The following AHNAK variants were observed in gnomAD, a reference collection of about 807,000 sequenced individuals.
The protein encoded by AHNAK is AHNAK nucleoprotein.
In AHNAK, 23 loss-of-function variants were observed where a neutral mutation model predicts 37.8. The ratio of observed to expected loss-of-function variants is 0.61; its 90% CI spans 0.44 to 0.86. The LOEUF (loss-of-function observed/expected upper bound fraction) is 0.86. Among genes scored for constraint, AHNAK ranks in the 40% least tolerant of loss-of-function variants. AHNAK has a pLI of 0.00. For synonymous variants in AHNAK, 2,481 were observed against 2,636.3 expected (o/e 0.94, Z 1.80); for missense variants, 7,411 against 7,319.4 (o/e 1.01, Z -0.46).
At position 62,519,823 on chromosome 11, in the gene AHNAK, C is replaced by T; in HGVS notation, c.14594G>A (p.Gly4865Glu). The change falls in exon 5 of 5, where the codon GGA (glycine) becomes GAA (glutamate). Residue 4865 changes from glycine (G) to glutamate (E), a missense_variant. By Grantham distance (98) the Gly-to-Glu change is moderately conservative (BLOSUM62 -2). Transcript: ENST00000378024. ...CTTAGGGACAGACACATCAAAATCTCCTTTTACTTTGGGTCCTTTCAAATC... is the reference window on the plus strand; with the variant it reads ...CTTAGGGACAGACACATCAAAATCTTCTTTTACTTTGGGTCCTTTCAAATC... Reference protein sequence around the residue: ...DLDLKGPKVKGDFDVSVPKVE... With the variant: ...DLDLKGPKVKEDFDVSVPKVE... 6.2e-7 allele frequency: 1 copy of T among 1,614,130 alleles called. No homozygotes were observed. The highest frequency in any genetic ancestry group is 1.1e-5 in the South Asian group (1 of 91,084).
chr11:62,479,045 T>C (rs1338882554), intron 5 of AHNAK, among the ~76,000 whole-genome samples: 1 of 152,126 alleles, frequency 6.6e-6, no homozygotes, highest in Non-Finnish European at 1.5e-5. Context: ...TCGGCTAATT[T>C]CTTTTCATTA....
rs1940331648 is a variant in AHNAK, at chr11:62,523,148, G to A, written c.11269C>T (p.Pro3757Ser). The A allele has an allele frequency of 1.2e-6, 2 of 1,613,958 alleles. No homozygotes were observed. The highest frequency in any genetic ancestry group is 1.1e-5 in the South Asian group (1 of 91,070). ...ACATCCACATCGCCCTTGACTTTGG[G>A]GCCCTTCAGGTTTAAATCAATGTCA... Reference protein sequence around the residue: ...MPDIDLNLKGPKVKGDVDVSL... With the variant: ...MPDIDLNLKGSKVKGDVDVSL... The change falls in exon 5 of 5, where the codon CCC (proline) becomes TCC (serine). Residue 3757 changes from proline (P) to serine (S), a missense_variant. Physicochemically the swap from Pro to Ser is moderately conservative, Grantham distance 74. Transcript: ENST00000378024.
intron 5 of AHNAK, among the ~76,000 whole-genome samples, chr11:62,435,267 T>C (rs1220938184): frequency 6.6e-6 from 1 of 152,244 alleles, no homozygotes; most frequent in Non-Finnish European, 1.5e-5. Context: ...ATTCACTATA[T>C]GTTACACTTT....
intron 5 of AHNAK, among the ~76,000 whole-genome samples, chr11:62,464,476 T>C (rs2134833182): frequency 6.6e-6 from 1 of 152,214 alleles, no homozygotes; most frequent in Non-Finnish European, 1.5e-5. Flanking sequence ...GAGACCAGCC[T>C]GACCAACATG....
chr11:62,491,661 C>T, intron 5 of AHNAK: 1 of 1,420,188 alleles, frequency 7.0e-7, no homozygotes, highest in Non-Finnish European at 9.7e-7. Flanking sequence ...GCAGGCATGC[C>T]CATCTGTGAT....
intron 5 of AHNAK, among the ~76,000 whole-genome samples, chr11:62,435,690 G>A (rs1938152466): frequency 6.6e-6 from 1 of 152,160 alleles, no homozygotes; most frequent in South Asian, 2.1e-4. Flanking sequence ...TGGGATTACA[G>A]GCTTGAGCCA....
chr11:62,476,208 C>T (rs1371221078), intron 5 of AHNAK, among the ~76,000 whole-genome samples: 8 of 151,976 alleles, frequency 5.3e-5, no homozygotes, highest in Non-Finnish European at 8.8e-5. Context: ...GCCAACATGG[C>T]GAAACTCCCA....
chr11:62,444,226 TG>T (rs139184271), intron 5 of AHNAK, among the ~76,000 whole-genome samples: 3,532 of 152,106 alleles, frequency 0.023, 144 homozygotes, highest in African/African-American at 0.081. Context: ...TAAGTGAGCC[TG>T]GGGGGACTTG....
chr11:62,501,598 C>G (rs1336967110), intron 4 of AHNAK, among the ~76,000 whole-genome samples: 2 of 152,190 alleles, frequency 1.3e-5, no homozygotes, highest in African/African-American at 4.8e-5. Context: ...TTGTCAAACC[C>G]TGAGAGAAAT....
chr11:62,525,448 C>A lies in AHNAK; in HGVS notation c.8969G>T (p.Gly2990Val). ...GTCAACTTCAGGGCCCTTGAGGTCA[C>A]CTTCCACTTTGGGCAGAGAAATATC... The part of the protein sequence containing the change: ...DVDISLPKVE[G>V]DLKGPEVDIR... The change falls in exon 5 of 5, where the codon GGT becomes GTT. Residue 2990 changes from glycine to valine, a missense_variant. Transcript: ENST00000378024. 6.2e-7 allele frequency: 1 copy of A among 1,613,554 alleles called. No homozygotes were observed. The highest frequency in any genetic ancestry group is 8.5e-7 in the Non-Finnish European group (1 of 1,179,968).
chr11:62,452,476 C>T (rs756259112), intron 5 of AHNAK, among the ~76,000 whole-genome samples: 10 of 152,264 alleles, frequency 6.6e-5, no homozygotes, highest in African/African-American at 1.7e-4. Flanking sequence ...TGGTTTCTTA[C>T]GAGCTGCTAT....
chr11:62,495,763 A>G (rs1423870194), intron 4 of AHNAK, among the ~76,000 whole-genome samples: 1 of 150,108 alleles, frequency 6.7e-6, no homozygotes, highest in Non-Finnish European at 1.5e-5. Flanking sequence ...AAATAGCAGT[A>G]ATATGCCAGG....
intron 4 of AHNAK, among the ~76,000 whole-genome samples, chr11:62,505,898 G>C (rs1939802278): frequency 6.6e-6 from 1 of 151,508 alleles, no homozygotes; most frequent in Non-Finnish European, 1.5e-5. Flanking sequence ...TGAAGAGCAA[G>C]CGGTCCGGGC....
intron 5 of AHNAK, among the ~76,000 whole-genome samples, chr11:62,434,847 C>T (rs1202546064): frequency 1.4e-5 from 2 of 146,850 alleles, no homozygotes; most frequent in African/African-American, 5.0e-5. Flanking sequence ...AGAAGAATCA[C>T]TTGAATCCGG....
chr11:62,508,435 G>A (rs949613686), intron 4 of AHNAK, among the ~76,000 whole-genome samples: 1 of 152,174 alleles, frequency 6.6e-6, no homozygotes, highest in Non-Finnish European at 1.5e-5. Context: ...AGCTGAGAAC[G>A]CAGTGTGAGA....
intron 4 of AHNAK, among the ~76,000 whole-genome samples, chr11:62,504,253 G>A (rs1199692121): frequency 1.3e-5 from 2 of 152,030 alleles, no homozygotes. Flanking sequence ...CAAGAGACAC[G>A]CAATTTTTGG....
rs916118271 is a variant in AHNAK at position 62,540,662 on chromosome 11, A to AT, written c.-99-4096dup. ...CTATCTCTATAAAAAATAAAAATGTATTTTTTTTAAATAAAAAAAGAAGGA... is the reference window on the plus strand; with the variant it reads ...CTATCTCTATAAAAAATAAAAATGTATTTTTTTTTAAATAAAAAAAGAAGGA... On this transcript the variant is annotated intron_variant, in intron 1 of 4. Coordinates refer to ENST00000378024, the MANE Select transcript of AHNAK (RefSeq NM_001620.3). 5.0e-4 allele frequency among the ~76,000 whole-genome samples: 76 copies of AT among 152,184 alleles called. 1 individual carries two copies. Among genetic ancestry groups the AT allele is most frequent in the Admixed American group, 4.1e-3 (62 of 15,276 alleles).
At chr11:62,447,041 C>T (rs566062674) in intron 5 of AHNAK, among the ~76,000 whole-genome samples, 1 of 152,116 alleles carries the variant, frequency 6.6e-6, no homozygotes, top group East Asian at 1.9e-4. Context: ...TGCAATCAAG[C>T]CCAGCCGTTC....
chr11:62,451,283 C>G (rs766580992), intron 5 of AHNAK, among the ~76,000 whole-genome samples: 5 of 150,994 alleles, frequency 3.3e-5, no homozygotes, highest in South Asian at 2.1e-4. Flanking sequence ...AAAGGCCCTC[C>G]TCCAGCCCCG....
Sources: allele counts gnomAD v4.1 joint callset (sites outside exome capture counted in the v4.1 genomes callset), GRCh38; gene constraint gnomAD v4.1.1; transcripts MANE v1.5; gene names NCBI Gene and HGNC (gene_info 2026-07-23, HGNC 2026-07-21).